TBC1D14: variants seen among roughly 807,000 people sequenced by gnomAD.
The protein encoded by TBC1D14 is TBC1 domain family, member 14.
A neutral mutation model predicts 79.0 loss-of-function variants in TBC1D14; 26 were observed. The observed-to-expected ratio is 0.33, with a 90% CI of 0.24 to 0.46. TBC1D14 has a LOEUF of 0.46. TBC1D14 is among the 20% of genes least tolerant of loss of function. The pLI, the probability that TBC1D14 is intolerant of heterozygous loss-of-function variation, is 1.00. For synonymous variants in TBC1D14, 394 were observed against 349.9 expected (o/e 1.13, Z -1.40); for missense variants, 769 against 887.6 (o/e 0.87, Z 1.70).
At chr4:7,000,805 G>T (rs1719592556) in intron 6 of TBC1D14, among the ~76,000 whole-genome samples, 2 of 152,218 alleles carry the variant, frequency 1.3e-5, no homozygotes, top group Non-Finnish European at 2.9e-5. Flanking sequence ...CCTGTAGGAG[G>T]CCAAGCCATT....
chr4:6,989,911 C>G (rs1383965720), intron 3 of TBC1D14, among the ~76,000 whole-genome samples: 1 of 152,192 alleles, frequency 6.6e-6, no homozygotes, highest in Admixed American at 6.5e-5. Flanking sequence ...AGCGTGATTC[C>G]TTATAAGCTG....
intron 12 of TBC1D14, among the ~76,000 whole-genome samples, chr4:7,019,075 T>C (rs1312787993): frequency 6.6e-6 from 1 of 152,118 alleles, no homozygotes; most frequent in Non-Finnish European, 1.5e-5. Flanking sequence ...CAGGCTTGAG[T>C]GCAGTGGTGG....
chr4:6,957,866 G>C (rs1245324699), intron 2 of TBC1D14, among the ~76,000 whole-genome samples: 4 of 152,012 alleles, frequency 2.6e-5, no homozygotes, highest in Admixed American at 1.3e-4. Context: ...TCACACCACT[G>C]TACTCCAGCC....
intron 11 of TBC1D14, among the ~76,000 whole-genome samples, chr4:7,013,458 C>T (rs892703969): frequency 1.3e-5 from 2 of 152,270 alleles, no homozygotes; most frequent in South Asian, 2.1e-4. Flanking sequence ...CACTATCAGA[C>T]GGGTGCTGCC....
At chr4:7,012,932 T>C (rs1720917386) in intron 11 of TBC1D14, among the ~76,000 whole-genome samples, 1 of 152,230 alleles carries the variant, frequency 6.6e-6, no homozygotes, top group Admixed American at 6.5e-5. Context: ...ACGTTGCTTG[T>C]GATATTAATT....
intron 1 of TBC1D14, among the ~76,000 whole-genome samples, chr4:6,916,335 C>G (rs1210479521): frequency 6.6e-6 from 1 of 150,492 alleles, no homozygotes; most frequent in Non-Finnish European, 1.5e-5. Context: ...TCCAGCCCTG[C>G]GAAGAGGCTT....
chr4:7,001,972 C>T (rs1447458528), intron 7 of TBC1D14, among the ~76,000 whole-genome samples: 1 of 152,182 alleles, frequency 6.6e-6, no homozygotes, highest in Non-Finnish European at 1.5e-5. Context: ...CTTTCTTGGG[C>T]CTAGGACCTG....
chr4:6,988,640 C>T (rs1373655563), intron 3 of TBC1D14, among the ~76,000 whole-genome samples: 1 of 152,228 alleles, frequency 6.6e-6, no homozygotes, highest in Non-Finnish European at 1.5e-5. Context: ...ACTGGTGAAT[C>T]TTGATACTGC....
At chr4:6,943,790 G>A (rs1713151987) in intron 2 of TBC1D14, among the ~76,000 whole-genome samples, 1 of 152,150 alleles carries the variant, frequency 6.6e-6, no homozygotes, top group South Asian at 2.1e-4. Flanking sequence ...TTTCCGAGCC[G>A]GTGCAGGTGG....
intron 12 of TBC1D14, 109 bp downstream of exon 12, chr4:7,014,666 C>T: frequency 1.4e-6 from 1 of 727,094 alleles, no homozygotes; most frequent in Non-Finnish European, 2.4e-6. Flanking sequence ...TCATATCCTG[C>T]TTTCCAGCCT....
At chr4:6,920,863 C>G (rs966348596) in intron 1 of TBC1D14, among the ~76,000 whole-genome samples, 11 of 152,042 alleles carry the variant, frequency 7.2e-5, no homozygotes, top group Non-Finnish European at 1.5e-4. Flanking sequence ...ACTGCAACCT[C>G]CACCTCCCGA....
chr4:6,939,538 G>A (rs917836268), intron 2 of TBC1D14, among the ~76,000 whole-genome samples: 1 of 152,098 alleles, frequency 6.6e-6, no homozygotes, highest in Non-Finnish European at 1.5e-5. Context: ...TTTTCTTAGA[G>A]ATTATCTGCC....
intron 3 of TBC1D14, among the ~76,000 whole-genome samples, chr4:6,976,079 C>T (rs1292966033): frequency 6.6e-6 from 1 of 152,166 alleles, no homozygotes; most frequent in East Asian, 1.9e-4. Context: ...GGTGACAGAG[C>T]ACTCTGTCTC....
intron 8 of TBC1D14, 99 bp from the exon 9 acceptor site, chr4:7,006,533 C>T: frequency 9.1e-7 from 1 of 1,098,240 alleles, no homozygotes; most frequent in Admixed American, 2.2e-5. Context: ...TTCTGAAAAA[C>T]TTTTTTCCGT....
chr4:6,955,453 G>A (rs1259086238), intron 2 of TBC1D14, among the ~76,000 whole-genome samples: 1 of 152,166 alleles, frequency 6.6e-6, no homozygotes, highest in African/African-American at 2.4e-5. Context: ...TAAAGTGCCT[G>A]GTGCAGCACT....
chr4:7,009,787 T>TGGCA, intron 9 of TBC1D14, 90 bp from the exon 10 acceptor site: 3 of 1,247,710 alleles, frequency 2.4e-6, no homozygotes, highest in Non-Finnish European at 3.5e-6. Flanking sequence ...ATAGCAGGAG[T>TGGCA]GGCAGCGGCA....
intron 3 of TBC1D14, among the ~76,000 whole-genome samples, chr4:6,972,066 C>T (rs1456675070): frequency 6.6e-6 from 1 of 152,172 alleles, no homozygotes; most frequent in Non-Finnish European, 1.5e-5. Context: ...GTGACACTGC[C>T]TCGGAAGTGC....
At chr4:7,025,606 C>T (rs1722285293) in intron 13 of TBC1D14, among the ~76,000 whole-genome samples, 1 of 152,242 alleles carries the variant, frequency 6.6e-6, no homozygotes, top group South Asian at 2.1e-4. Flanking sequence ...AAAAATAATG[C>T]CAGAGACAGA....
intron 8 of TBC1D14, among the ~76,000 whole-genome samples, chr4:7,005,581 C>A (rs533463562): frequency 3.9e-5 from 6 of 152,034 alleles, no homozygotes; most frequent in Non-Finnish European, 8.8e-5. Context: ...CACCTGTAAT[C>A]CCACCTACTC....
Sources: allele counts gnomAD v4.1 joint callset (sites outside exome capture counted in the v4.1 genomes callset), GRCh38; gene constraint gnomAD v4.1.1; transcripts MANE v1.5; gene names NCBI Gene and HGNC (gene_info 2026-07-23, HGNC 2026-07-21).